Variants in GPC5 observed in about 807,000 individuals in gnomAD.
GPC5 encodes the protein glypican 5.
Under a neutral mutation model 53.9 loss-of-function variants are expected in GPC5, and 47 were observed. The ratio of observed to expected loss-of-function variants is 0.87; its 90% CI spans 0.69 to 1.11. The LOEUF (loss-of-function observed/expected upper bound fraction) is 1.11, where lower values mean the gene tolerates loss of function less well. GPC5 is among the 50% of genes most tolerant of loss of function. The probability of loss-of-function intolerance (pLI) is 0.00; values close to 1 mark genes in which losing one functional copy is unlikely to be tolerated. For missense variants in GPC5, 748 were observed against 713.1 expected, an observed-to-expected ratio of 1.05 and a Z score of -0.56; for synonymous variants, 286 against 263.3, an observed-to-expected ratio of 1.09 and a Z score of -0.84.
intron 7 of GPC5, among the ~76,000 whole-genome samples, chr13:92,826,817 ATTACTTT>A (rs1429704911): frequency 6.6e-6 from 1 of 151,924 alleles, no homozygotes; most frequent in African/African-American, 2.4e-5. Flanking sequence ...TTTTGTCCTT[ATTACTTT>A]GAGTTTCTTC....
chr13:92,139,201 C>A (rs2041809366), intron 6 of GPC5, among the ~76,000 whole-genome samples: 1 of 152,120 alleles, frequency 6.6e-6, no homozygotes, highest in African/African-American at 2.4e-5. Context: ...TAAGCAAGAC[C>A]ACAAAACTAA....
intron 6 of GPC5, among the ~76,000 whole-genome samples, chr13:92,069,874 T>C (rs1439654190): frequency 6.6e-6 from 1 of 152,118 alleles, no homozygotes; most frequent in Admixed American, 6.6e-5. Context: ...TAAGTAAATG[T>C]TGCAAGCAGA....
intron 7 of GPC5, among the ~76,000 whole-genome samples, chr13:92,663,856 C>CCATATATA (rs1303598848): frequency 1.1e-5 from 1 of 88,340 alleles, no homozygotes; most frequent in African/African-American, 4.8e-5. Flanking sequence ...CACACACACA[C>CCATATATA]TATATATATA....
At chr13:91,486,149 C>T (rs1883596192) in intron 2 of GPC5, 1 of 152,192 alleles carries the variant, frequency 6.6e-6, no homozygotes, top group Non-Finnish European at 1.5e-5. Context: ...GTTCAGTTTC[C>T]TATCTTTGTA....
chr13:91,999,207 CTT>C (rs60161065), intron 6 of GPC5, among the ~76,000 whole-genome samples: 109 of 150,806 alleles, frequency 7.2e-4, no homozygotes, highest in Non-Finnish European at 1.1e-3. Context: ...TCAAAATAAC[CTT>C]TTTTTTTTCT....
chr13:91,979,374 T>G (rs1309508232), intron 6 of GPC5, among the ~76,000 whole-genome samples: 4 of 152,206 alleles, frequency 2.6e-5, no homozygotes, highest in Non-Finnish European at 5.9e-5. Context: ...CAGCTTATAT[T>G]TTAAGTTTAC....
chr13:92,832,198 A>G (rs896968226), intron 7 of GPC5, among the ~76,000 whole-genome samples: 1 of 152,230 alleles, frequency 6.6e-6, no homozygotes, highest in Non-Finnish European at 1.5e-5. Flanking sequence ...ATTTAACTAT[A>G]TTGACATACA....
intron 7 of GPC5, among the ~76,000 whole-genome samples, chr13:92,693,676 T>C (rs1334921935): frequency 6.6e-6 from 1 of 151,950 alleles, no homozygotes; most frequent in African/African-American, 2.4e-5. Context: ...GCAAAGAGAG[T>C]ATCTGAAACT....
chr13:92,603,850 A>C (rs1395345669), intron 7 of GPC5, among the ~76,000 whole-genome samples: 1 of 152,154 alleles, frequency 6.6e-6, no homozygotes, highest in Non-Finnish European at 1.5e-5. Context: ...CATCATCATG[A>C]GTTCTGGATG....
At chr13:91,718,353 A>C (rs915787545) in intron 3 of GPC5, among the ~76,000 whole-genome samples, 1 of 150,908 alleles carries the variant, frequency 6.6e-6, no homozygotes, top group African/African-American at 2.4e-5. Flanking sequence ...CTCGTGATCC[A>C]CCCGCTTTGG....
intron 3 of GPC5, among the ~76,000 whole-genome samples, chr13:91,697,148 T>G (rs1310937588): frequency 6.6e-6 from 1 of 152,204 alleles, no homozygotes; most frequent in Non-Finnish European, 1.5e-5. Context: ...TCTGAATTTT[T>G]TTTCTTTTTA....
In GPC5 at chr13:92,281,079, A is replaced by T. The variant is rs531580352; in HGVS notation, c.1561+136090A>T. 7.9e-5 allele frequency among the ~76,000 whole-genome samples: 12 copies of T among 152,332 alleles called. No homozygotes were observed. In the East Asian group the frequency reaches 2.1e-3, roughly 27 times the overall value. ...CTGCGCTTTTCCAATGGTCTTAGCAAATGGCACACTGGGAGATAATATCCC... is the reference window on the plus strand; with the variant it reads ...CTGCGCTTTTCCAATGGTCTTAGCATATGGCACACTGGGAGATAATATCCC... On this transcript the variant is annotated intron_variant, in intron 7 of 7. Coordinates refer to ENST00000377067, the MANE Select transcript of GPC5 (RefSeq NM_004466.6).
At chr13:91,535,045 A>G (rs1886525170) in intron 2 of GPC5, among the ~76,000 whole-genome samples, 1 of 152,096 alleles carries the variant, frequency 6.6e-6, no homozygotes, top group African/African-American at 2.4e-5. Context: ...AGATCTCTCA[A>G]ATCACTTCTT....
intron 7 of GPC5, among the ~76,000 whole-genome samples, chr13:92,607,886 C>T (rs1000844599): frequency 3.3e-5 from 5 of 152,116 alleles, no homozygotes; most frequent in African/African-American, 1.2e-4. Context: ...TCCACCTCTG[C>T]CTGCCCTGAG....
chr13:92,466,878 G>A (rs1294088880), intron 7 of GPC5, among the ~76,000 whole-genome samples: 1 of 152,092 alleles, frequency 6.6e-6, no homozygotes, highest in East Asian at 1.9e-4. Context: ...ATTCAGTAAG[G>A]AGAGTATTAC....
chr13:92,734,689 A>T (rs1888892120), intron 7 of GPC5, among the ~76,000 whole-genome samples: 1 of 151,884 alleles, frequency 6.6e-6, no homozygotes, highest in Admixed American at 6.6e-5. Flanking sequence ...TTATTTTCAA[A>T]TTAGAAAATG....
chr13:92,122,840 T>A (rs1049256120), intron 6 of GPC5, among the ~76,000 whole-genome samples: 3 of 151,074 alleles, frequency 2.0e-5, no homozygotes, highest in African/African-American at 7.3e-5. Context: ...TATCTTTCTC[T>A]TCAGAATGGT....
intron 7 of GPC5, among the ~76,000 whole-genome samples, chr13:92,485,323 T>A (rs1017279236): frequency 6.6e-6 from 1 of 152,178 alleles, no homozygotes; most frequent in Non-Finnish European, 1.5e-5. Flanking sequence ...TAATTCAACA[T>A]CTGTTAAACA....
intron 7 of GPC5, among the ~76,000 whole-genome samples, chr13:92,311,433 A>G (rs1319167997): frequency 6.6e-6 from 1 of 152,304 alleles, no homozygotes; most frequent in East Asian, 1.9e-4. Context: ...AAGGGAAACC[A>G]TAGGAGGAGA....
Sources: gnomAD v4.1 joint callset for allele counts (sites outside exome capture counted in the v4.1 genomes callset) on GRCh38, gnomAD v4.1.1 for gene constraint, MANE v1.5 for transcripts, NCBI Gene and HGNC (gene_info 2026-07-23, HGNC 2026-07-21) for gene names.